The following SDK1 variants were observed in gnomAD, a reference collection of about 807,000 sequenced individuals.
SDK1 encodes sidekick cell adhesion molecule 1.
In SDK1, 157 loss-of-function variants were observed where a neutral mutation model predicts 245.5. The ratio of observed to expected loss-of-function variants is 0.64; its 90% CI spans 0.56 to 0.73. The LOEUF is 0.73. SDK1 is among the 30% of genes least tolerant of loss of function. The probability of loss-of-function intolerance (pLI) is 0.00; values close to 1 mark genes in which losing one functional copy is unlikely to be tolerated. For synonymous variants in SDK1, 1,647 were observed against 1,278.5 expected (o/e 1.29, Z -6.15); for missense variants, 3,583 against 3,002.3 (o/e 1.19, Z -4.52).
At position 4,097,566 on chromosome 7, in the gene SDK1, G is replaced by C. The variant is rs117429118; in HGVS notation, c.3325-13097G>C. On this transcript the variant is annotated intron_variant, in intron 22 of 44. Transcript: ENST00000404826. ...AAGGCCCAATAAAGTTTCCAACCTT[G>C]ATTGACTTCACTGTCCACCTGGCCA... Among the ~76,000 whole-genome samples, 516 of 152,288 alleles carry C rather than the reference G, an allele frequency of 3.4e-3. 3 individuals carry two copies. The highest frequency in any genetic ancestry group is 0.031 in the South Asian group (151 of 4,820).
intron 40 of SDK1, among the ~76,000 whole-genome samples, chr7:4,226,079 G>C (rs909540067): frequency 6.6e-6 from 1 of 152,148 alleles, no homozygotes; most frequent in Non-Finnish European, 1.5e-5. Flanking sequence ...GAGGGCTTTG[G>C]ATCTCAGCTG....
At chr7:3,308,009 A>G (rs1195650233) in intron 1 of SDK1, among the ~76,000 whole-genome samples, 1 of 152,258 alleles carries the variant, frequency 6.6e-6, no homozygotes, top group South Asian at 2.1e-4. Flanking sequence ...AGTATTTACA[A>G]TGTTGAAGAC....
At chr7:4,050,124 A>G (rs1033162090) in intron 18 of SDK1, among the ~76,000 whole-genome samples, 2 of 152,240 alleles carry the variant, frequency 1.3e-5, no homozygotes, top group African/African-American at 2.4e-5. Context: ...CAATAGGTCC[A>G]CTAATCGTCT....
intron 22 of SDK1, among the ~76,000 whole-genome samples, chr7:4,084,711 G>GTTATA (rs1384665668): frequency 7.4e-6 from 1 of 135,892 alleles, no homozygotes; most frequent in East Asian, 2.0e-4. Context: ...GTTATGTTAT[G>GTTATA]TTATGTTATG....
At chr7:3,529,548 T>TTTGTTGTTGTTG (rs563162258) in intron 1 of SDK1, among the ~76,000 whole-genome samples, 1 of 151,394 alleles carries the variant, frequency 6.6e-6, no homozygotes, top group Non-Finnish European at 1.5e-5. Flanking sequence ...AGAAGCAAAG[T>TTTGTTGTTGTTG]TTGTTGTTGT....
At chr7:4,004,684 T>A (rs1412529997) in intron 14 of SDK1, among the ~76,000 whole-genome samples, 1 of 152,214 alleles carries the variant, frequency 6.6e-6, no homozygotes, top group African/African-American at 2.4e-5. Flanking sequence ...CTAGAGTGTT[T>A]TAAAGGAAAT....
chr7:3,433,977 T>C (rs1167471244), intron 1 of SDK1, among the ~76,000 whole-genome samples: 1 of 152,194 alleles, frequency 6.6e-6, no homozygotes, highest in Non-Finnish European at 1.5e-5. Context: ...CGCAATGCAT[T>C]AAGAAGGAAG....
intron 35 of SDK1, among the ~76,000 whole-genome samples, chr7:4,184,524 C>G (rs1182579486): frequency 6.6e-6 from 1 of 152,090 alleles, no homozygotes; most frequent in African/African-American, 2.4e-5. Context: ...TGAGGGGGAC[C>G]CTGGGTGAGT....
At chr7:3,536,886 T>G (rs567421700) in intron 1 of SDK1, among the ~76,000 whole-genome samples, 1 of 152,336 alleles carries the variant, frequency 6.6e-6, no homozygotes, top group African/African-American at 2.4e-5. Context: ...ATGAAGTAAT[T>G]ATGAATCAGT....
intron 19 of SDK1, among the ~76,000 whole-genome samples, chr7:4,063,382 A>C (rs1040850583): frequency 2.8e-4 from 43 of 152,302 alleles, no homozygotes; most frequent in African/African-American, 9.4e-4. Flanking sequence ...TCTAGGAATT[A>C]ATTTAACCAA....
chr7:3,481,962 C>T (rs1299963382), intron 1 of SDK1, among the ~76,000 whole-genome samples: 1 of 151,678 alleles, frequency 6.6e-6, no homozygotes, highest in Non-Finnish European at 1.5e-5. Context: ...TTATTAAAGC[C>T]CTGCCTCACA....
chr7:4,115,734 CA>C (rs769496188), intron 25 of SDK1, among the ~76,000 whole-genome samples: 6 of 152,320 alleles, frequency 3.9e-5, no homozygotes, highest in South Asian at 4.1e-4. Context: ...GCCCTCTCTG[CA>C]ACCCAGAGCC....
intron 1 of SDK1, among the ~76,000 whole-genome samples, chr7:3,328,568 A>G (rs1190848229): frequency 1.3e-5 from 2 of 152,136 alleles, no homozygotes; most frequent in East Asian, 1.9e-4. Context: ...TGTATTACAT[A>G]AAAGTCTCCT....
At chr7:3,564,380 T>C (rs1779841165) in intron 1 of SDK1, among the ~76,000 whole-genome samples, 1 of 151,998 alleles carries the variant, frequency 6.6e-6, no homozygotes, top group Admixed American at 6.6e-5. Flanking sequence ...CCCAGCTGCT[T>C]TGGGAGGCCG....
In SDK1 at chr7:4,094,932, G is replaced by T. The variant is rs113630446; in HGVS notation, c.3324+15348G>T. On this transcript the variant is annotated intron_variant, in intron 22 of 44. Coordinates refer to ENST00000404826, the MANE Select transcript of SDK1 (RefSeq NM_152744.4). ...TTAAAGCAGGAACCCACAGGTTATA[G>T]GTAAATTCAAAGATTTTCTGATCTG... Among the ~76,000 whole-genome samples, 161 of 152,324 alleles carry T rather than the reference G, an allele frequency of 1.1e-3. 1 individual carries two copies. Among genetic ancestry groups the T allele is most frequent in the African/African-American group, 3.7e-3 (153 of 41,578 alleles).
intron 1 of SDK1, among the ~76,000 whole-genome samples, chr7:3,359,384 G>T (rs148439877): frequency 6.6e-6 from 1 of 152,104 alleles, no homozygotes; most frequent in East Asian, 1.9e-4. Context: ...TTAAGTTTTC[G>T]TTGTTGTTGT....
chr7:3,763,172 C>G (rs1040102955), intron 4 of SDK1, among the ~76,000 whole-genome samples: 1 of 152,052 alleles, frequency 6.6e-6, no homozygotes, highest in African/African-American at 2.4e-5. Context: ...GATAAACTGT[C>G]TTTAATAAAT....
At chr7:3,971,355 G>T (rs1361283425) in intron 11 of SDK1, 111 bp from the exon 12 acceptor site, 1 of 724,304 alleles carries the variant, frequency 1.4e-6, no homozygotes. Flanking sequence ...CTGCCAAGAT[G>T]AGAGAAAACT....
At chr7:3,914,378 TGAA>T (rs1779294512) in intron 5 of SDK1, among the ~76,000 whole-genome samples, 1 of 151,990 alleles carries the variant, frequency 6.6e-6, no homozygotes, top group Non-Finnish European at 1.5e-5. Flanking sequence ...TCAGAGAAAA[TGAA>T]GAAATGTGTG....
Sources: gnomAD v4.1 joint callset for allele counts (sites outside exome capture counted in the v4.1 genomes callset) on GRCh38, gnomAD v4.1.1 for gene constraint, MANE v1.5 for transcripts, NCBI Gene and HGNC (gene_info 2026-07-23, HGNC 2026-07-21) for gene names.